Variants in ANKRD44 observed in about 807,000 individuals in gnomAD.
ANKRD44 encodes the protein serine/threonine-protein phosphatase 6 regulatory ankyrin repeat subunit B.
In ANKRD44, 35 loss-of-function variants were observed where a neutral mutation model predicts 116.0. The ratio of observed to expected loss-of-function variants is 0.30; its 90% CI spans 0.23 to 0.40. The LOEUF (loss-of-function observed/expected upper bound fraction) is 0.40, where lower values mean the gene tolerates loss of function less well. Ranked by LOEUF, ANKRD44 falls within the 10% of genes least tolerant of loss-of-function variation. The pLI is 1.00. For synonymous variants in ANKRD44, 435 were observed against 461.8 expected (o/e 0.94, Z 0.74); for missense variants, 1,014 against 1,242.6 (o/e 0.82, Z 2.77).
At chr2:197,309,965 G>A (rs1375588366) in intron 1 of ANKRD44, among the ~76,000 whole-genome samples, 1 of 152,272 alleles carries the variant, frequency 6.6e-6, no homozygotes, top group African/African-American at 2.4e-5. Context: ...TGGAGGCTCC[G>A]AGCCGACTTC....
At chr2:197,096,077 A>T (rs940374992) in intron 10 of ANKRD44, among the ~76,000 whole-genome samples, 3 of 152,196 alleles carry the variant, frequency 2.0e-5, no homozygotes, top group African/African-American at 7.2e-5. Flanking sequence ...AAACCTTTAC[A>T]TCTTGCTTCT....
intron 1 of ANKRD44, chr2:197,300,853 T>G (rs937716028): frequency 1.4e-5 from 2 of 144,580 alleles, no homozygotes; most frequent in East Asian, 2.2e-4. Flanking sequence ...AACCTCGTCC[T>G]CCCAGGTTCA....
chr2:196,990,514 T>C (rs2075897129), intron 27 of ANKRD44: 1 of 1,227,810 alleles, frequency 8.1e-7, no homozygotes, highest in Non-Finnish European at 1.0e-6. Flanking sequence ...TCTGTGTGAC[T>C]GTTCCACCCA....
intron 2 of ANKRD44, among the ~76,000 whole-genome samples, chr2:197,174,038 T>C (rs1361441315): frequency 1.3e-5 from 2 of 152,032 alleles, no homozygotes; most frequent in African/African-American, 2.4e-5. Flanking sequence ...GTCTCAAAAA[T>C]AAATAAATAA....
intron 9 of ANKRD44, among the ~76,000 whole-genome samples, chr2:197,102,956 G>A (rs958045842): frequency 7.2e-5 from 11 of 152,014 alleles, no homozygotes; most frequent in South Asian, 6.2e-4. Flanking sequence ...GTGGCGGGGC[G>A]TGGTGGCTCA....
At chr2:197,070,706 G>A (rs889013982) in intron 16 of ANKRD44, among the ~76,000 whole-genome samples, 1 of 151,226 alleles carries the variant, frequency 6.6e-6, no homozygotes, top group East Asian at 1.9e-4. Context: ...CTCGCTCTCT[G>A]TGTGTGTGTG....
chr2:197,206,532 A>T (rs1307606178), intron 1 of ANKRD44, among the ~76,000 whole-genome samples: 1 of 152,130 alleles, frequency 6.6e-6, no homozygotes, highest in Non-Finnish European at 1.5e-5. Flanking sequence ...AAAATACAAA[A>T]ATCGGCCAGG....
At chr2:197,283,596 C>T (rs931570151) in intron 1 of ANKRD44, among the ~76,000 whole-genome samples, 2 of 151,932 alleles carry the variant, frequency 1.3e-5, no homozygotes, top group Admixed American at 6.6e-5. Context: ...TTAATAGAAA[C>T]AAAACTGTTG....
intron 12 of ANKRD44, 35 bp from the exon 13 acceptor site, chr2:197,086,783 G>A: frequency 1.3e-6 from 2 of 1,596,686 alleles, no homozygotes; most frequent in South Asian, 2.2e-5. Flanking sequence ...TAAGATGGAA[G>A]AGATCAATTA....
In ANKRD44 at chr2:197,122,735, T is replaced by G; in HGVS notation, c.608A>C (p.Asp203Ala). The change falls in exon 7 of 28, where the codon GAT becomes GCT. Residue 203 changes from aspartate to alanine, a missense_variant. Asp to Ala is a moderately radical substitution (Grantham distance 126, BLOSUM62 -2). Coordinates refer to ENST00000282272, the MANE Select transcript of ANKRD44 (RefSeq NM_001195144.2). ...ATGCAGAGGGGTATAACCCTTCTTA[T>G]CCTTACAGGTCACTTCTGCGCCATG... ...INHGAEVTCKDKKGYTPLHAA... is the reference protein window; with the variant it reads ...INHGAEVTCKAKKGYTPLHAA... 1 of 1,614,242 alleles carries G rather than the reference T, an allele frequency of 6.2e-7. No homozygotes were observed. Among genetic ancestry groups the G allele is most frequent in the Non-Finnish European group, 8.5e-7 (1 of 1,180,034 alleles).
intron 2 of ANKRD44, among the ~76,000 whole-genome samples, chr2:197,181,055 T>C (rs1384555879): frequency 6.6e-6 from 1 of 152,226 alleles, no homozygotes; most frequent in Non-Finnish European, 1.5e-5. Flanking sequence ...GTTTCTCTCT[T>C]GTTTACTATA....
intron 16 of ANKRD44, among the ~76,000 whole-genome samples, chr2:197,035,321 A>C (rs2076788459): frequency 6.6e-6 from 1 of 151,550 alleles, no homozygotes. Context: ...GCCCCGAGAG[A>C]CCTCAAGCTA....
chr2:197,218,775 T>TTTTTTTTTTTTTTTTTTTTA (rs2081512873), intron 1 of ANKRD44, among the ~76,000 whole-genome samples: 1 of 99,300 alleles, frequency 1.0e-5, no homozygotes, highest in Non-Finnish European at 2.2e-5. Flanking sequence ...TTTTTTTTTT[T>TTTTTTTTTTTTTTTTTTTTA]TTGAGATGGA....
intron 18 of ANKRD44, 140 bp from the exon 19 acceptor site, chr2:197,009,171 A>C (rs913018805): frequency 1.7e-5 from 10 of 598,410 alleles, no homozygotes; most frequent in Non-Finnish European, 3.0e-5. Context: ...ATCTCATTGC[A>C]ATCTCCACCT....
chr2:197,027,234 C>T (rs1303219996), intron 16 of ANKRD44, among the ~76,000 whole-genome samples: 1 of 152,016 alleles, frequency 6.6e-6, no homozygotes, highest in Non-Finnish European at 1.5e-5. Context: ...TGGTGGTGCA[C>T]ACCTGTAGTC....
At chr2:197,219,958 C>G (rs983822295) in intron 1 of ANKRD44, among the ~76,000 whole-genome samples, 3 of 152,088 alleles carry the variant, frequency 2.0e-5, no homozygotes, top group African/African-American at 7.2e-5. Flanking sequence ...TTTTAACAAG[C>G]TATAGAAGGC....
chr2:197,092,265 C>T (rs375441808), intron 10 of ANKRD44, among the ~76,000 whole-genome samples: 12 of 152,356 alleles, frequency 7.9e-5, no homozygotes, highest in African/African-American at 1.4e-4. Context: ...TATCTGTTTA[C>T]ACCCTACAGC....
At chr2:196,997,272 G>A (rs2076029883) in intron 25 of ANKRD44, among the ~76,000 whole-genome samples, 1 of 151,732 alleles carries the variant, frequency 6.6e-6, no homozygotes, top group African/African-American at 2.4e-5. Flanking sequence ...ATAGGAGATG[G>A]GTTGAATAAA....
In ANKRD44 at chr2:196,988,262, G is replaced by C; in HGVS notation, c.*1329C>G. The C allele has an allele frequency of 2.0e-6, 2 of 985,402 alleles. No homozygotes were observed. The highest frequency in any genetic ancestry group is 4.7e-5 in the South Asian group (1 of 21,282). 61.0% of individuals were successfully genotyped at this position (985,402 alleles called of 1,614,324 possible). ...AGATTTCCATTCACTTCTAGAAAAA[G>C]ACACCGCAGCATATTGTGCTTCTTC... On this transcript the variant is annotated 3_prime_UTR_variant, in exon 28 of 28. Coordinates refer to ENST00000282272, the MANE Select transcript of ANKRD44 (RefSeq NM_001195144.2).
Sources: gnomAD v4.1 joint callset for allele counts (sites outside exome capture counted in the v4.1 genomes callset) on GRCh38, gnomAD v4.1.1 for gene constraint, MANE v1.5 for transcripts, NCBI Gene and HGNC (gene_info 2026-07-23, HGNC 2026-07-21) for gene names.